The following KHDRBS2 variants were observed in gnomAD, a reference collection of about 807,000 sequenced individuals.
The protein encoded by KHDRBS2 is KH RNA binding domain containing, signal transduction associated 2.
KHDRBS2 carries 26 observed loss-of-function variants against 44.3 expected under a neutral mutation model. The observed-to-expected ratio is 0.59, with a 90% CI of 0.43 to 0.81. KHDRBS2 has a LOEUF of 0.81. KHDRBS2 is among the 40% of genes least tolerant of loss of function. The pLI is 0.00. For missense variants in KHDRBS2, 476 were observed against 433.1 expected (o/e 1.10, Z -0.88); for synonymous variants, 194 against 151.1 (o/e 1.28, Z -2.08).
At chr6:61,992,706 G>T (rs1776368787) in intron 3 of KHDRBS2, among the ~76,000 whole-genome samples, 1 of 152,094 alleles carries the variant, frequency 6.6e-6, no homozygotes, top group Admixed American at 6.6e-5. Flanking sequence ...TTAAGAACAT[G>T]TATAATCTCT....
At chr6:61,664,614 C>T in the KHDRBS2 span, among the ~76,000 whole-genome samples, 2 of 151,674 alleles carry the variant, frequency 1.3e-5, no homozygotes, top group Non-Finnish European at 3.0e-5. Context: ...TTCATAAACA[C>T]GGACAAATTA....
chr6:61,727,446 GCTT>G (rs1773755890), intron 7 of KHDRBS2, among the ~76,000 whole-genome samples: 1 of 152,026 alleles, frequency 6.6e-6, no homozygotes, highest in Non-Finnish European at 1.5e-5. Flanking sequence ...TAACTAAAGA[GCTT>G]CTTCTGCACA....
intron 6 of KHDRBS2, among the ~76,000 whole-genome samples, chr6:61,764,148 G>A (rs2127573666): frequency 6.6e-6 from 1 of 152,224 alleles, no homozygotes; most frequent in Middle Eastern, 3.4e-3. Context: ...CCATGTCCCT[G>A]CAAAAACATG....
intron 6 of KHDRBS2, among the ~76,000 whole-genome samples, chr6:61,754,718 A>C (rs773235674): frequency 6.6e-6 from 1 of 152,150 alleles, no homozygotes; most frequent in African/African-American, 2.4e-5. Flanking sequence ...ACTGGATGTA[A>C]ATCAAGAGAT....
the KHDRBS2 span, chr6:61,652,253 A>G: frequency 2.6e-5 from 4 of 152,046 alleles, no homozygotes; most frequent in African/African-American, 9.7e-5. Context: ...TATGATACCT[A>G]CTTCTGTTAG....
the KHDRBS2 span, among the ~76,000 whole-genome samples, chr6:61,557,535 G>T: frequency 6.6e-6 from 1 of 152,104 alleles, no homozygotes; most frequent in African/African-American, 2.4e-5. Flanking sequence ...CTCCTTGCTA[G>T]TATTTTGTTG....
chr6:61,772,518 G>A (rs1479148791), intron 6 of KHDRBS2, among the ~76,000 whole-genome samples: 1 of 152,130 alleles, frequency 6.6e-6, no homozygotes, highest in African/African-American at 2.4e-5. Context: ...ACTACCATCA[G>A]AGAATACTAT....
At chr6:61,569,942 G>T in the KHDRBS2 span, among the ~76,000 whole-genome samples, 1 of 152,122 alleles carries the variant, frequency 6.6e-6, no homozygotes, top group African/African-American at 2.4e-5. Flanking sequence ...TTGAGTTCCA[G>T]ACCTTTCCAC....
chr6:62,105,520 C>G (rs1276811301), intron 2 of KHDRBS2, among the ~76,000 whole-genome samples: 1 of 151,984 alleles, frequency 6.6e-6, no homozygotes, highest in African/African-American at 2.4e-5. Context: ...GTGTATGTGT[C>G]GAGGAATTTA....
chr6:61,936,035 T>G (rs1211224092), intron 4 of KHDRBS2, among the ~76,000 whole-genome samples: 3 of 152,112 alleles, frequency 2.0e-5, no homozygotes, highest in East Asian at 3.8e-4. Context: ...CTCTATTCTA[T>G]CATCTGTCTA....
intron 7 of KHDRBS2, among the ~76,000 whole-genome samples, chr6:61,706,607 C>A (rs1444786578): frequency 1.3e-5 from 2 of 151,624 alleles, no homozygotes; most frequent in Non-Finnish European, 2.9e-5. Flanking sequence ...TTTACCTAGA[C>A]AATTGTGATC....
At chr6:62,014,611 C>A (rs2127273325) in intron 3 of KHDRBS2, among the ~76,000 whole-genome samples, 1 of 152,034 alleles carries the variant, frequency 6.6e-6, no homozygotes, top group East Asian at 1.9e-4. Context: ...TAATGAAAGA[C>A]CTAAAATTAT....
chr6:62,181,189 A>T (rs1301282693), intron 1 of KHDRBS2, among the ~76,000 whole-genome samples: 4 of 151,916 alleles, frequency 2.6e-5, no homozygotes, highest in African/African-American at 7.3e-5. Context: ...GCAAAAATAG[A>T]CAAGTGGGAT....
chr6:62,093,282 C>A lies in KHDRBS2; in HGVS notation c.220-45288G>T, dbSNP rs557014745. Among the ~76,000 whole-genome samples the A allele has an allele frequency of 1.3e-4, 20 of 151,288 alleles. No individual in the cohort carries two copies. In the South Asian group the frequency reaches 3.5e-3, roughly 27 times the overall value. On this transcript the variant is annotated intron_variant, in intron 2 of 8. Transcript: ENST00000281156. ...AAAACACAAGTCTCAGATGGCTTTA[C>A]TAAATCCAAGAATAAAATTTATAGT... is the stretch of plus-strand genomic sequence containing the variant.
intron 2 of KHDRBS2, among the ~76,000 whole-genome samples, chr6:62,086,962 G>C (rs765422997): frequency 6.7e-6 from 1 of 149,004 alleles, no homozygotes; most frequent in Non-Finnish European, 1.5e-5. Context: ...AAAAGGAAAA[G>C]ATATAGGTGA....
intron 7 of KHDRBS2, among the ~76,000 whole-genome samples, chr6:61,705,980 T>C (rs1769471667): frequency 1.3e-5 from 2 of 151,846 alleles, no homozygotes; most frequent in Admixed American, 1.3e-4. Flanking sequence ...TCAGGGCTAT[T>C]TGCATCATCA....
intron 6 of KHDRBS2, among the ~76,000 whole-genome samples, chr6:61,743,149 A>G (rs1325081980): frequency 2.0e-5 from 3 of 152,150 alleles, no homozygotes; most frequent in African/African-American, 7.2e-5. Flanking sequence ...TAAAAATAAA[A>G]TTAATAATAT....
At chr6:62,235,806 C>T (rs1442892283) in intron 1 of KHDRBS2, among the ~76,000 whole-genome samples, 2 of 151,974 alleles carry the variant, frequency 1.3e-5, no homozygotes, top group South Asian at 2.1e-4. Context: ...GGTACAATTT[C>T]GAGATTTCTA....
intron 7 of KHDRBS2, 68 bp from the exon 8 acceptor site, chr6:61,697,321 A>T: frequency 1.1e-6 from 1 of 952,064 alleles, no homozygotes; most frequent in Non-Finnish European, 1.7e-6. Context: ...ACTCATATGG[A>T]ATTTGAAGGC....
Sources: allele counts gnomAD v4.1 joint callset (sites outside exome capture counted in the v4.1 genomes callset), GRCh38; gene constraint gnomAD v4.1.1; transcripts MANE v1.5; gene names NCBI Gene and HGNC (gene_info 2026-07-23, HGNC 2026-07-21).